Variants in NOMO2 observed in about 807,000 individuals in gnomAD.
The protein encoded by NOMO2 is BOS complex subunit NOMO2.
NOMO2 carries 14 observed loss-of-function variants against 67.1 expected under a neutral mutation model. The ratio of observed to expected loss-of-function variants is 0.21; its 90% confidence interval spans 0.14 to 0.33. The LOEUF (loss-of-function observed/expected upper bound fraction) is 0.33. NOMO2 is among the 10% of genes least tolerant of loss of function. The probability of loss-of-function intolerance (pLI) is 1.00; values close to 1 mark genes in which losing one functional copy is unlikely to be tolerated. For synonymous variants in NOMO2, 80 were observed against 305.9 expected, an observed-to-expected ratio of 0.26 and a Z score of 7.71; for missense variants, 178 against 761.0, an observed-to-expected ratio of 0.23 and a Z score of 9.01.
chr16:18,526,056 G>A (rs1014873233), intron 16 of NOMO2, among the ~76,000 whole-genome samples: 1 of 151,924 alleles, frequency 6.6e-6, no homozygotes, highest in Non-Finnish European at 1.5e-5. Flanking sequence ...CAGCTGAACT[G>A]ACACCCAGAA....
chr16:18,557,014 C>T (rs553033312), intron 2 of NOMO2, among the ~76,000 whole-genome samples: 2 of 152,008 alleles, frequency 1.3e-5, no homozygotes, highest in African/African-American at 4.8e-5. Context: ...GTAATCCCAG[C>T]TATTCGGGAG....
chr16:18,559,205 T>C lies in NOMO2; in HGVS notation c.166-1414A>G, dbSNP rs564093909. Among the ~76,000 whole-genome samples, 18 of 152,218 alleles carry C rather than the reference T, an allele frequency of 1.2e-4. 1 individual carries two copies. The highest frequency in any genetic ancestry group is 3.6e-4 in the African/African-American group (15 of 41,510). On this transcript the variant is annotated intron_variant, in intron 1 of 30. Coordinates refer to ENST00000622306, the MANE Select transcript of NOMO2 (RefSeq NM_173614.4). The stretch of plus-strand genomic sequence containing the variant: ...AATAAGTAAAATGGAAAAAGCAGTT[T>C]GTATTACTGTTTAATATCTCTCTCT...
At chr16:18,561,173 T>TAAAAAAAA (rs756246897) in intron 1 of NOMO2, among the ~76,000 whole-genome samples, 49 of 32,442 alleles carry the variant, frequency 1.5e-3, no homozygotes, top group African/African-American at 2.1e-3. Context: ...ACAACTTAAT[T>TAAAAAAAA]AAAAAAAAAA....
At chr16:18,544,590 C>T (rs1901623500) in intron 6 of NOMO2, among the ~76,000 whole-genome samples, 1 of 151,862 alleles carries the variant, frequency 6.6e-6, no homozygotes, top group South Asian at 2.1e-4. Context: ...GTTTCTGTAC[C>T]TCACTTCCAC....
intron 2 of NOMO2, 137 bp downstream of exon 2, chr16:18,557,565 G>T: frequency 6.3e-7 from 1 of 1,596,164 alleles, no homozygotes; most frequent in East Asian, 2.2e-5. Context: ...CTCCAAATGT[G>T]ACTAGGATTA....
At chr16:18,557,819 T>A (rs1207425161) in intron 1 of NOMO2, 28 bp from the exon 2 acceptor site, 1 of 1,555,368 alleles carries the variant, frequency 6.4e-7, no homozygotes, top group East Asian at 2.2e-5. Context: ...AAAACAGAAA[T>A]CATAACATTG....
At chr16:18,561,285 A>G (rs1245738742) in intron 1 of NOMO2, among the ~76,000 whole-genome samples, 1 of 150,430 alleles carries the variant, frequency 6.6e-6, no homozygotes, top group Admixed American at 6.6e-5. Flanking sequence ...CCATTTTCAG[A>G]AGTGGAGGGG....
At chr16:18,533,759 G>A (rs1901359246) in intron 11 of NOMO2, 1 of 153,220 alleles carries the variant, frequency 6.5e-6, no homozygotes, top group African/African-American at 2.4e-5. Flanking sequence ...TGGGAGGTAG[G>A]AGCCACAAAT....
intron 11 of NOMO2, among the ~76,000 whole-genome samples, chr16:18,536,566 G>T (rs967343171): frequency 5.3e-5 from 8 of 151,868 alleles, no homozygotes; most frequent in Non-Finnish European, 1.0e-4. Context: ...GCCCAGGCTG[G>T]TCTCAAACTC....
intron 1 of NOMO2, chr16:18,558,815 G>C (rs1283003093): frequency 2.2e-6 from 1 of 455,216 alleles, no homozygotes; most frequent in Non-Finnish European, 4.4e-6. Context: ...TCCTTTTCAT[G>C]TGGTTGTACA....
chr16:18,555,355 C>A (rs1338905477), intron 2 of NOMO2, among the ~76,000 whole-genome samples: 3 of 148,606 alleles, frequency 2.0e-5, no homozygotes, highest in South Asian at 2.2e-4. Context: ...CATAGCAAGA[C>A]CCCATCTGTA....
At chr16:18,561,268 C>T (rs1902043924) in intron 1 of NOMO2, among the ~76,000 whole-genome samples, 2 of 145,010 alleles carry the variant, frequency 1.4e-5, no homozygotes, top group Admixed American at 1.4e-4. Context: ...GGGCAGCTGG[C>T]AACTCTCCAT....
rs1901943739 is a variant in NOMO2, at chr16:18,557,783, C to T, written c.174G>A (p.Leu58=). ...ATTTCAAAGTCCCATGCTTGGTGTA[C>T]AGCTTTATCTGGAAAGGAAGGAAGG... ...EINYSLIEIK[L]YTKHGTLKYQ... is the part of the protein sequence containing the mutation. Residue 58 remains leucine, a synonymous_variant, in exon 2 of 31, where the codon CTG becomes CTA. Coordinates refer to ENST00000622306, the MANE Select transcript of NOMO2 (RefSeq NM_173614.4). The T allele has an allele frequency of 6.2e-7, 1 of 1,603,250 alleles. No individual in the cohort carries two copies.
At chr16:18,528,542 G>A (rs1226470940) in intron 15 of NOMO2, among the ~76,000 whole-genome samples, 5 of 151,986 alleles carry the variant, frequency 3.3e-5, no homozygotes, top group Middle Eastern at 3.4e-3. Flanking sequence ...GAAAATTCAC[G>A]AAGGGATCTA....
At chr16:18,536,552 A>G (rs1266098569) in intron 11 of NOMO2, among the ~76,000 whole-genome samples, 1 of 151,958 alleles carries the variant, frequency 6.6e-6, no homozygotes, top group Non-Finnish European at 1.5e-5. Flanking sequence ...TGTTTTCCCA[A>G]GTTGCCCAGG....
At chr16:18,524,159 G>GT (rs1901093452) in intron 17 of NOMO2, among the ~76,000 whole-genome samples, 1 of 75,594 alleles carries the variant, frequency 1.3e-5, no homozygotes, top group Admixed American at 1.6e-4. Context: ...ACCCACACAC[G>GT]TCTGTAAAAA....
Position 18,557,659 on chromosome 16 carries a change from A to G in NOMO2, c.255+43T>C, listed in dbSNP as rs751912394. The stretch of plus-strand genomic sequence containing the variant: ...TGGTTAATGCAGCCTGGTGAGGCAC[A>G]CTAGTGACTTCCCATCATAAGTGAC... On this transcript the variant is annotated intron_variant, in intron 2 of 30. Coordinates refer to ENST00000622306, the MANE Select transcript of NOMO2 (RefSeq NM_173614.4). 4 of 1,611,742 alleles carry G rather than the reference A, an allele frequency of 2.5e-6. No individual in the cohort carries two copies. In the South Asian group the frequency reaches 4.4e-5, roughly 18 times the overall value.
At chr16:18,553,021 C>A (rs1471823238) in intron 3 of NOMO2, among the ~76,000 whole-genome samples, 7 of 151,886 alleles carry the variant, frequency 4.6e-5, no homozygotes, top group Non-Finnish European at 1.5e-5. Flanking sequence ...TGCCTATAAT[C>A]CCCACACTTT....
chr16:18,539,005 C>T (rs1477410202), intron 9 of NOMO2, 41 bp from the exon 10 acceptor site: 60 of 1,598,680 alleles, frequency 3.8e-5, no homozygotes, highest in Non-Finnish European at 5.1e-5. Flanking sequence ...CGAAGGTGCT[C>T]CTGTGCCAGA....
Sources: gnomAD v4.1 joint callset for allele counts (sites outside exome capture counted in the v4.1 genomes callset) on GRCh38, gnomAD v4.1.1 for gene constraint, MANE v1.5 for transcripts, NCBI Gene and HGNC (gene_info 2026-07-23, HGNC 2026-07-21) for gene names.